The following TTR variants were observed in gnomAD, a reference collection of about 807,000 sequenced individuals.
TTR encodes the protein transthyretin.
In TTR, 8 loss-of-function variants were observed where a neutral mutation model predicts 13.7. That is an observed-to-expected ratio of 0.58 (90% confidence interval 0.34 to 1.05). TTR has a LOEUF of 1.05. TTR is among the 50% of genes least tolerant of loss of function. The pLI is 0.02. For synonymous variants in TTR, 75 were observed against 71.7 expected, an observed-to-expected ratio of 1.05 and a Z score of -0.23; for missense variants, 135 against 185.5, an observed-to-expected ratio of 0.73 and a Z score of 1.58.
intron 3 of TTR, chr18:31,595,784 T>A: frequency 3.4e-6 from 1 of 296,520 alleles, no homozygotes; most frequent in Non-Finnish European, 6.5e-6. Flanking sequence ...CAATTATAAG[T>A]GTTTTCCATA....
chr18:31,592,064 T>C (rs775876437), intron 1 of TTR, 93 bp downstream of exon 1: 105 of 1,289,870 alleles, frequency 8.1e-5, no homozygotes, highest in Non-Finnish European at 1.1e-4. Context: ...CCAGCTTTTA[T>C]TACTAGGGCA....
intron 3 of TTR, 39 bp from the exon 4 acceptor site, chr18:31,598,529 G>T (rs779171807): frequency 6.2e-7 from 1 of 1,608,992 alleles, no homozygotes; most frequent in Non-Finnish European, 8.5e-7. Flanking sequence ...ACGTTTTTCG[G>T]GCTCTGGTGG....
chr18:31,598,352 A>C (rs1448108559), intron 3 of TTR: 3 of 673,188 alleles, frequency 4.5e-6, no homozygotes, highest in Non-Finnish European at 8.1e-6. Flanking sequence ...GCAAAACAAG[A>C]CCTGACTCTG....
chr18:31,598,441 C>A, intron 3 of TTR, 127 bp from the exon 4 acceptor site: 1 of 956,574 alleles, frequency 1.0e-6, no homozygotes, highest in Admixed American at 2.0e-5. Flanking sequence ...TCTGTTCAAA[C>A]TGTTCCAAAA....
At chr18:31,595,848 C>G (rs1242968154) in intron 3 of TTR, 1 of 192,328 alleles carries the variant, frequency 5.2e-6, no homozygotes, top group Admixed American at 5.4e-5. Context: ...CTATTATTAT[C>G]CCCATCTTAT....
Position 31,598,637 on chromosome 18 carries a change from T to C in TTR, c.406T>C (p.Tyr136His), listed in dbSNP as rs766909913. ...TIAALLSPYSYSTTAVVTNPK... is the reference protein window; with the variant it reads ...TIAALLSPYSHSTTAVVTNPK... ...TGCCGCCCTGCTGAGCCCCTACTCC[T>C]ATTCCACCACGGCTGTCGTCACCAA... Residue 136 changes from tyrosine (Y) to histidine (H), a missense_variant, in exon 4 of 4, where the codon TAT becomes CAT. Transcript: ENST00000237014. 9 of 1,614,064 alleles carry C rather than the reference T, an allele frequency of 5.6e-6. No individual in the cohort carries two copies. In the Admixed American group the frequency reaches 1.5e-4, roughly 27 times the overall value.
chr18:31,595,363 T>C, intron 3 of TTR, 108 bp downstream of exon 3: 1 of 1,468,626 alleles, frequency 6.8e-7, no homozygotes, highest in Non-Finnish European at 9.4e-7. Flanking sequence ...CTAAGGAAGG[T>C]GATGAATGAC....
chr18:31,592,774 G>C, intron 1 of TTR, 122 bp from the exon 2 acceptor site: 1 of 1,322,288 alleles, frequency 7.6e-7, no homozygotes, highest in Non-Finnish European at 1.1e-6. Flanking sequence ...CGACACTTAC[G>C]TTCCTGATAA....
intron 3 of TTR, among the ~76,000 whole-genome samples, chr18:31,596,673 TA>T (rs10707844): frequency 0.38 from 55,411 of 144,600 alleles, 10,259 homozygotes; most frequent in Middle Eastern, 0.54. Flanking sequence ...CAACAAACAT[TA>T]AAAAAAAAAA....
intron 2 of TTR, among the ~76,000 whole-genome samples, chr18:31,593,945 C>T (rs1598844614): frequency 6.6e-6 from 1 of 152,210 alleles, no homozygotes; most frequent in Non-Finnish European, 1.5e-5. Context: ...CCAAGAACCA[C>T]ATGATTCTTC....
rs2073494109 is a variant in TTR at position 31,592,994 on chromosome 18, T to C, written c.168T>C (p.Ala56=). The part of the protein sequence containing the change: ...INVAVHVFRK[A]ADDTWEPFAS... ...TGGCCGTGCATGTGTTCAGAAAGGC[T>C]GCTGATGACACCTGGGAGCCATTTG... The change falls in exon 2 of 4, where the codon GCT becomes GCC. Residue 56 remains alanine (A), a synonymous_variant. Coordinates refer to ENST00000237014, the MANE Select transcript of TTR (RefSeq NM_000371.4). 4 of 1,613,990 alleles carry C rather than the reference T, an allele frequency of 2.5e-6. No individual in the cohort carries two copies. The South Asian group carries it at 4.4e-5, about 18-fold the overall frequency.
rs1235763443 is a variant in TTR, at chr18:31,598,690, A to G, written c.*15A>G. Reference sequence around the variant, plus strand: ...CCAAGGAATGAGGGACTTCTCCTCCAGTGGACCTGAAGGACGAGGGATGGG... The same window carrying G: ...CCAAGGAATGAGGGACTTCTCCTCCGGTGGACCTGAAGGACGAGGGATGGG... On this transcript the variant is annotated 3_prime_UTR_variant, in exon 4 of 4. Transcript: ENST00000237014. 2 of 1,613,294 alleles carry G rather than the reference A, an allele frequency of 1.2e-6. No individual in the cohort carries two copies. The highest frequency in any genetic ancestry group is 2.7e-5 in the African/African-American group (2 of 74,940).
At chr18:31,597,724 A>G (rs1598846315) in intron 3 of TTR, among the ~76,000 whole-genome samples, 2 of 152,188 alleles carry the variant, frequency 1.3e-5, no homozygotes, top group East Asian at 1.9e-4. Flanking sequence ...CCTGACCTCA[A>G]TATATCCCAA....
At position 31,598,692 on chromosome 18, in the gene TTR, T is replaced by C; in HGVS notation, c.*17T>C. ...AAGGAATGAGGGACTTCTCCTCCAGTGGACCTGAAGGACGAGGGATGGGAT... is the reference window on the plus strand; with the variant it reads ...AAGGAATGAGGGACTTCTCCTCCAGCGGACCTGAAGGACGAGGGATGGGAT... On this transcript the variant is annotated 3_prime_UTR_variant, in exon 4 of 4. Transcript: ENST00000237014. The C allele has an allele frequency of 6.2e-7, 1 of 1,610,762 alleles. No homozygotes were observed. The highest frequency in any genetic ancestry group is 8.5e-7 in the Non-Finnish European group (1 of 1,176,886).
intron 3 of TTR, chr18:31,595,780 T>A (rs1161081632): frequency 6.7e-6 from 2 of 298,632 alleles, no homozygotes; most frequent in East Asian, 1.7e-4. Flanking sequence ...GACACAATTA[T>A]AAGTGTTTTC....
At position 31,598,598 on chromosome 18, in the gene TTR, C is replaced by T. The variant is rs371566010; in HGVS notation, c.367C>T (p.Arg123Cys). ...ATTCACAGCCAACGACTCCGGCCCC[C>T]GCCGCTACACCATTGCCGCCCTGCT... ...VVFTANDSGPRRYTIAALLSP... is the reference protein window; with the variant it reads ...VVFTANDSGPCRYTIAALLSP... The change falls in exon 4 of 4, where the codon CGC (arginine) becomes TGC (cysteine). Residue 123 changes from arginine to cysteine, a missense_variant. Coordinates refer to ENST00000237014, the MANE Select transcript of TTR (RefSeq NM_000371.4). 4.3e-6 allele frequency: 7 copies of T among 1,614,204 alleles called. No individual in the cohort carries two copies. The highest frequency in any genetic ancestry group is 4.5e-5 in the East Asian group (2 of 44,882).
Position 31,598,703 on chromosome 18 carries a change from G to A in TTR, c.*28G>A. On this transcript the variant is annotated 3_prime_UTR_variant, in exon 4 of 4. Coordinates refer to ENST00000237014, the MANE Select transcript of TTR (RefSeq NM_000371.4). ...GACTTCTCCTCCAGTGGACCTGAAG[G>A]ACGAGGGATGGGATTTCATGTAACC... 1 of 1,608,618 alleles carries A rather than the reference G, an allele frequency of 6.2e-7. No homozygotes were observed.
intron 3 of TTR, 73 bp from the exon 4 acceptor site, chr18:31,598,495 G>A (rs750929435): frequency 7.1e-7 from 1 of 1,403,664 alleles, no homozygotes; most frequent in South Asian, 1.2e-5. Flanking sequence ...GACTTCCGGT[G>A]GTCAGTCATG....
At chr18:31,593,777 G>GC (rs2073500001) in intron 2 of TTR, among the ~76,000 whole-genome samples, 1 of 152,128 alleles carries the variant, frequency 6.6e-6, no homozygotes, top group Non-Finnish European at 1.5e-5. Flanking sequence ...TTTTCTACCT[G>GC]CACTAGCAAA....
Sources: gnomAD v4.1 joint callset for allele counts (sites outside exome capture counted in the v4.1 genomes callset) on GRCh38, gnomAD v4.1.1 for gene constraint, MANE v1.5 for transcripts, NCBI Gene and HGNC (gene_info 2026-07-23, HGNC 2026-07-21) for gene names.